The following NPR3 variants were observed in gnomAD, a reference collection of about 807,000 sequenced individuals.
NPR3 encodes natriuretic peptide receptor 3.
Under a neutral mutation model 54.5 loss-of-function variants are expected in NPR3, and 34 were observed. The observed-to-expected ratio is 0.62, with a 90% CI of 0.47 to 0.83. The LOEUF (loss-of-function observed/expected upper bound fraction) is 0.83. Ranked by LOEUF, NPR3 falls within the 40% of genes least tolerant of loss-of-function variation. The probability of loss-of-function intolerance (pLI) is 0.00; values close to 1 mark genes in which losing one functional copy is unlikely to be tolerated. For missense variants in NPR3, 674 were observed against 720.8 expected (o/e 0.94, Z 0.74); for synonymous variants, 289 against 297.1 (o/e 0.97, Z 0.28).
intron 4 of NPR3, among the ~76,000 whole-genome samples, 159 bp downstream of exon 4, chr5:32,775,002 GAT>G (rs1741970153): frequency 6.6e-6 from 1 of 152,142 alleles, no homozygotes; most frequent in Non-Finnish European, 1.5e-5. Flanking sequence ...AATTAAATGA[GAT>G]AATACACGTG....
upstream of NPR3, among the ~76,000 whole-genome samples, chr5:32,707,587 G>A (rs1738029464): frequency 6.6e-6 from 1 of 152,126 alleles, no homozygotes; most frequent in Non-Finnish European, 1.5e-5. Context: ...GCCTCTAGGG[G>A]GGAGTGTGTT....
chr5:32,758,535 G>T (rs113442687), intron 3 of NPR3, among the ~76,000 whole-genome samples: 225 of 151,998 alleles, frequency 1.5e-3, no homozygotes, highest in African/African-American at 5.0e-3. Flanking sequence ...CAATTTTGTT[G>T]ATCTTGTCAA....
chr5:32,719,788 GT>G (rs1383745599), intron 1 of NPR3, among the ~76,000 whole-genome samples: 686 of 61,842 alleles, frequency 0.011, 6 homozygotes, highest in Middle Eastern at 0.04. Flanking sequence ...TGTTGTTGTT[GT>G]TTTTTTTTTT....
At chr5:32,770,165 C>A (rs114167902) in intron 3 of NPR3, among the ~76,000 whole-genome samples, 68 of 152,344 alleles carry the variant, frequency 4.5e-4, no homozygotes, top group South Asian at 1.2e-3. Flanking sequence ...GGTACAGTGG[C>A]TCATGCCTGT....
intron 2 of NPR3, among the ~76,000 whole-genome samples, chr5:32,728,837 G>GTA (rs70961659): frequency 0.041 from 1,950 of 47,926 alleles, 67 homozygotes; most frequent in Non-Finnish European, 0.057. Flanking sequence ...GTGTGTGTGT[G>GTA]TATATATATA....
chr5:32,784,697 C>T, intron 6 of NPR3, 99 bp from the exon 7 acceptor site: 2 of 892,046 alleles, frequency 2.2e-6, no homozygotes, highest in East Asian at 5.0e-5. Context: ...AAAGTTGCCT[C>T]CAATGGGAAA....
In NPR3 at chr5:32,724,632, G is replaced by T. The variant is rs527595848; in HGVS notation, c.770-66G>T. ...CGTTCCTTGTCAGATGTCCCTTACT[G>T]GTGTCAGCATGCTCGAAGTGCTCTG... On this transcript the variant is annotated intron_variant, in intron 1 of 7. Coordinates refer to ENST00000265074, the MANE Select transcript of NPR3 (RefSeq NM_001204375.2). 3.4e-5 allele frequency: 54 copies of T among 1,592,106 alleles called. No individual in the cohort carries two copies. In the African/African-American group the frequency reaches 6.8e-4, roughly 20 times the overall value.
chr5:32,785,008 T>C, intron 7 of NPR3, 125 bp downstream of exon 7: 1 of 777,376 alleles, frequency 1.3e-6, no homozygotes, highest in Admixed American at 2.3e-5. Context: ...GGTTAAAAAA[T>C]CTCAGCCATT....
chr5:32,716,113 A>G (rs1173804930), intron 1 of NPR3, among the ~76,000 whole-genome samples: 1 of 152,228 alleles, frequency 6.6e-6, no homozygotes, highest in Admixed American at 6.5e-5. Flanking sequence ...AACAACAGAA[A>G]TAAAGATGCA....
At position 32,751,231 on chromosome 5, in the gene NPR3, C is replaced by A. The variant is rs543984142; in HGVS notation, c.1059+12201C>A. ...ACAGCATAATGTAGCAATTTTATAC[C>A]CTTTCTACAATCTGTTAAAACTCTT... On this transcript the variant is annotated intron_variant, in intron 3 of 7. Transcript: ENST00000265074. 5.3e-5 allele frequency among the ~76,000 whole-genome samples: 8 copies of A among 152,122 alleles called. No homozygotes were observed. In the East Asian group the frequency reaches 1.5e-3, roughly 29 times the overall value.
rs3811962 is a variant in NPR3 at position 32,771,336 on chromosome 5, G to C, written c.1060-3372G>C. On this transcript the variant is annotated intron_variant, in intron 3 of 7. Transcript: ENST00000265074. ...GAGACACTCAGCCACCCTGAGAAGA[G>C]AGAAGGTAAATTTTGCGATCCATTT... Among the ~76,000 whole-genome samples the C allele has an allele frequency of 4.9e-4, 75 of 152,304 alleles. No individual in the cohort carries two copies. The East Asian group carries it at 0.012, about 24-fold the overall frequency.
chr5:32,748,301 C>A (rs1740406023), intron 3 of NPR3, among the ~76,000 whole-genome samples: 1 of 152,084 alleles, frequency 6.6e-6, no homozygotes, highest in Non-Finnish European at 1.5e-5. Flanking sequence ...CAGTAAGGAT[C>A]TAGTCAGGAA....
At chr5:32,763,467 G>A (rs540911954) in intron 3 of NPR3, among the ~76,000 whole-genome samples, 4 of 147,746 alleles carry the variant, frequency 2.7e-5, no homozygotes, top group Middle Eastern at 3.5e-3. Flanking sequence ...TGGCCACCTC[G>A]CTCAGCTAAT....
At position 32,790,616 on chromosome 5, in the gene NPR3, T is replaced by C. The variant is rs898542394; in HGVS notation, c.*4271T>C. ...AGCATGCACATTCCATAAATATCTC[T>C]TGCAGGCATACCCCACAGCTAGACT... On this transcript the variant is annotated 3_prime_UTR_variant, in exon 8 of 8. Transcript: ENST00000265074. 1 of 166,694 alleles carries C rather than the reference T, an allele frequency of 6.0e-6. No individual in the cohort carries two copies. The highest frequency in any genetic ancestry group is 2.4e-5 in the African/African-American group (1 of 41,450). The allele number at this position is 166,694 out of a possible 1,614,324, so 10.3% of individuals were successfully genotyped here.
chr5:32,765,360 C>T (rs1488848434), intron 3 of NPR3, among the ~76,000 whole-genome samples: 1 of 152,090 alleles, frequency 6.6e-6, no homozygotes, highest in Non-Finnish European at 1.5e-5. Flanking sequence ...ACCTATTTAC[C>T]CCAATTTTAA....
chr5:32,754,903 C>T (rs921408431), intron 3 of NPR3, among the ~76,000 whole-genome samples: 16 of 152,150 alleles, frequency 1.1e-4, no homozygotes, highest in African/African-American at 2.9e-4. Flanking sequence ...TTCTGTAGCC[C>T]AGGCTGGAGG....
At chr5:32,735,710 G>A (rs946936514) in intron 2 of NPR3, among the ~76,000 whole-genome samples, 3 of 152,086 alleles carry the variant, frequency 2.0e-5, no homozygotes, top group African/African-American at 7.2e-5. Flanking sequence ...GAGGCACCCA[G>A]TTGTCTACTG....
chr5:32,775,905 C>G (rs552940483), intron 4 of NPR3, among the ~76,000 whole-genome samples: 1 of 152,148 alleles, frequency 6.6e-6, no homozygotes, highest in South Asian at 2.1e-4. Context: ...AAAAAATGAC[C>G]CATTATCTCA....
intron 2 of NPR3, among the ~76,000 whole-genome samples, chr5:32,727,034 C>T (rs1739173598): frequency 6.6e-6 from 1 of 152,216 alleles, no homozygotes; most frequent in Admixed American, 6.5e-5. Context: ...TACGCACATA[C>T]ACTTTCTCTC....
Sources: allele counts gnomAD v4.1 joint callset (sites outside exome capture counted in the v4.1 genomes callset), GRCh38; gene constraint gnomAD v4.1.1; transcripts MANE v1.5; gene names NCBI Gene and HGNC (gene_info 2026-07-23, HGNC 2026-07-21).